The following MYBPC1 variants were observed in gnomAD, a reference collection of about 807,000 sequenced individuals.
MYBPC1 encodes myosin-binding protein C, slow-type.
MYBPC1 carries 52 observed loss-of-function variants against 147.1 expected under a neutral mutation model. The observed-to-expected ratio is 0.35, with a 90% CI of 0.28 to 0.45. The LOEUF (loss-of-function observed/expected upper bound fraction) is 0.45. Among genes scored for constraint, MYBPC1 ranks in the 20% least tolerant of loss-of-function variants. The pLI is 1.00. For synonymous variants in MYBPC1, 477 were observed against 475.9 expected (o/e 1.00, Z -0.03); for missense variants, 1,228 against 1,440.3 (o/e 0.85, Z 2.39).
At chr12:101,649,151 G>A in intron 14 of MYBPC1, 109 bp from the exon 15 acceptor site, 1 of 937,594 alleles carries the variant, frequency 1.1e-6, no homozygotes, top group Non-Finnish European at 1.7e-6. Flanking sequence ...GTTCTTGTGT[G>A]TCTCATATCC....
chr12:101,606,602 C>A (rs1882299342), intron 1 of MYBPC1, among the ~76,000 whole-genome samples: 1 of 151,928 alleles, frequency 6.6e-6, no homozygotes. Context: ...CCATGCCCAG[C>A]CTACTTCTTT....
rs1890626569 is a variant in MYBPC1 at position 101,634,623 on chromosome 12, A to T, written c.608+18A>T. 6.3e-7 allele frequency: 1 copy of T among 1,595,744 alleles called. No homozygotes were observed. The highest frequency in any genetic ancestry group is 1.3e-5 in the African/African-American group (1 of 74,626). On this transcript the variant is annotated intron_variant, in intron 9 of 31. Transcript: ENST00000361466. Reference sequence around the variant, plus strand: ...AAGAGAAGGTAACTCCAAAAGAAAAATCTAGATAGCTTTTGTATAACACAG... The same window carrying T: ...AAGAGAAGGTAACTCCAAAAGAAAATTCTAGATAGCTTTTGTATAACACAG...
intron 20 of MYBPC1, 48 bp from the exon 21 acceptor site, chr12:101,662,310 T>G (rs1020133109): frequency 6.3e-7 from 1 of 1,597,446 alleles, no homozygotes; most frequent in Non-Finnish European, 8.6e-7. Flanking sequence ...CAATGTTTAA[T>G]TTCAGAGACC....
Position 101,626,328 on chromosome 12 carries a change from C to G in MYBPC1, c.104-544C>G, listed in dbSNP as rs566280279. On this transcript the variant is annotated intron_variant, in intron 3 of 31. Transcript: ENST00000361466. ...AGAAATGATACAGCATTTTCCAACA[C>G]CAATATAATGTTGGAAAAAATGCTT... Among the ~76,000 whole-genome samples, 3 of 152,092 alleles carry G rather than the reference C, an allele frequency of 2.0e-5. No individual in the cohort carries two copies. In the South Asian group the frequency reaches 6.2e-4, roughly 32 times the overall value.
At chr12:101,683,300 C>T (rs1251297455) in intron 30 of MYBPC1, among the ~76,000 whole-genome samples, 1 of 152,054 alleles carries the variant, frequency 6.6e-6, no homozygotes, top group African/African-American at 2.4e-5. Context: ...TGTGGTGGCA[C>T]ATGCCTATAG....
At position 101,646,862 on chromosome 12, in the gene MYBPC1, A is replaced by G. The variant is rs891217152; in HGVS notation, c.1065A>G (p.Lys355=). The G allele has an allele frequency of 2.5e-6, 4 of 1,614,170 alleles. No homozygotes were observed. The highest frequency in any genetic ancestry group is 3.4e-6 in the Non-Finnish European group (4 of 1,180,000). ...ATTATGTGACAGCCGGTGATGAGAA[A>G]TGTTCCACTGAGCTCTTCGTAAGAG... The part of the protein sequence containing the change: ...SEYYVTAGDE[K]CSTELFVREP... The change falls in exon 13 of 32, where the codon AAA becomes AAG. Residue 355 remains lysine (K), a synonymous_variant. Coordinates refer to ENST00000361466, the MANE Select transcript of MYBPC1 (RefSeq NM_002465.4).
chr12:101,678,768 G>A (rs138966337), intron 28 of MYBPC1, among the ~76,000 whole-genome samples: 108 of 152,234 alleles, frequency 7.1e-4, no homozygotes, highest in African/African-American at 2.4e-3. Flanking sequence ...AATGAATATC[G>A]CCCATAGAGA....
At chr12:101,664,664 C>T (rs1317583663) in intron 22 of MYBPC1, 1 of 152,200 alleles carries the variant, frequency 6.6e-6, no homozygotes, top group African/African-American at 2.4e-5. Context: ...CACCTCTGTT[C>T]TGGAGGGAGG....
chr12:101,626,507 C>T (rs1457864667), intron 3 of MYBPC1, among the ~76,000 whole-genome samples: 1 of 152,098 alleles, frequency 6.6e-6, no homozygotes, highest in South Asian at 2.1e-4. Flanking sequence ...ATAAGGTCTG[C>T]CATTCACTTT....
In MYBPC1 at chr12:101,680,383, A is replaced by G. The variant is rs935019560; in HGVS notation, c.3287A>G (p.Asp1096Gly). ...ATGAAAAACAAAGTTGCTATTGTGG[A>G]TGATCCAAGATACAGGATGTTCAGC... is the stretch of plus-strand genomic sequence containing the variant. The part of the protein sequence containing the change: ...TWMKNKVAIV[D>G]DPRYRMFSNQ... The change falls in exon 29 of 32, where the codon GAT becomes GGT. Residue 1096 changes from aspartate to glycine, a missense_variant. By Grantham distance (94) the Asp-to-Gly change is moderately conservative (BLOSUM62 -1). Transcript: ENST00000361466. 1.1e-5 allele frequency: 18 copies of G among 1,614,126 alleles called. No individual in the cohort carries two copies. Among genetic ancestry groups the G allele is most frequent in the Non-Finnish European group, 1.5e-5 (18 of 1,179,988 alleles).
In MYBPC1 at chr12:101,632,077, C is replaced by T. The variant is rs1285919977; in HGVS notation, c.495C>T (p.Tyr165=). 2 of 1,614,116 alleles carry T rather than the reference C, an allele frequency of 1.2e-6. No individual in the cohort carries two copies. Among genetic ancestry groups the T allele is most frequent in the Admixed American group, 1.7e-5 (1 of 60,028 alleles). The change falls in exon 8 of 32, where the codon TAC becomes TAT. Residue 165 remains tyrosine, a synonymous_variant. Transcript: ENST00000361466. The part of the protein sequence containing the change: ...IKAKDNFAGN[Y]RCEVTYKDKF... ...CCAAAGATAACTTTGCAGGAAATTA[C>T]AGATGCGAGGTCACCTATAAGGATA...
At chr12:101,637,041 C>A in intron 10 of MYBPC1, 1 of 78,782 alleles carries the variant, frequency 1.3e-5, no homozygotes, top group African/African-American at 2.1e-4. Flanking sequence ...TCTAAGACTG[C>A]ACATATGATT....
intron 10 of MYBPC1, among the ~76,000 whole-genome samples, chr12:101,637,911 AG>A (rs1315594970): frequency 6.6e-6 from 1 of 152,194 alleles, no homozygotes; most frequent in Non-Finnish European, 1.5e-5. Flanking sequence ...TAGTCTCAAT[AG>A]TATTGATTAA....
At position 101,677,219 on chromosome 12, in the gene MYBPC1, T is replaced by A. The variant is rs752330940; in HGVS notation, c.2950-16T>A. ...TTAGGTGATTTTCCTCCAGTTATTA[T>A]TTTTTTTTCTTTTAGGAATGGTTTA... On this transcript the variant is annotated splice_polypyrimidine_tract_variant and intron_variant, in intron 26 of 31. Transcript: ENST00000361466. The A allele has an allele frequency of 1.9e-6, 3 of 1,591,394 alleles. No homozygotes were observed. Among genetic ancestry groups the A allele is most frequent in the South Asian group, 2.2e-5 (2 of 90,214 alleles).
Position 101,624,209 on chromosome 12 carries a change from G to T in MYBPC1, c.104-2663G>T, listed in dbSNP as rs75074093. On this transcript the variant is annotated intron_variant, in intron 3 of 31. Transcript: ENST00000361466. Reference sequence around the variant, plus strand: ...ACATGACCCAGTAAATCACCTCTTGGATTCTGAAGTAATGATATTAATATA... The same window carrying T: ...ACATGACCCAGTAAATCACCTCTTGTATTCTGAAGTAATGATATTAATATA... Among the ~76,000 whole-genome samples the T allele has an allele frequency of 4.6e-3, 696 of 151,744 alleles. 4 individuals are homozygous for T. Among genetic ancestry groups the T allele is most frequent in the African/African-American group, 0.016 (655 of 41,360 alleles).
intron 3 of MYBPC1, among the ~76,000 whole-genome samples, chr12:101,625,802 TC>T (rs1176921308): frequency 6.6e-6 from 1 of 152,040 alleles, no homozygotes; most frequent in African/African-American, 2.4e-5. Context: ...AATTTATCCT[TC>T]TGCCAGGCGC....
intron 19 of MYBPC1, among the ~76,000 whole-genome samples, chr12:101,660,849 A>G (rs1159467142): frequency 6.6e-6 from 1 of 152,148 alleles, no homozygotes; most frequent in African/African-American, 2.4e-5. Context: ...TTCCCCTTAC[A>G]AAACCATCAG....
At chr12:101,679,197 G>A (rs143952697) in intron 28 of MYBPC1, among the ~76,000 whole-genome samples, 71 of 151,972 alleles carry the variant, frequency 4.7e-4, no homozygotes, top group African/African-American at 1.7e-3. Flanking sequence ...GACTAAGGAT[G>A]AGAGAAAGGT....
intron 1 of MYBPC1, among the ~76,000 whole-genome samples, chr12:101,602,154 C>T (rs958885016): frequency 6.6e-6 from 1 of 152,138 alleles, no homozygotes; most frequent in Non-Finnish European, 1.5e-5. Flanking sequence ...AAAACAGTAT[C>T]AACTCTTTGG....
Sources: allele counts gnomAD v4.1 joint callset (sites outside exome capture counted in the v4.1 genomes callset), GRCh38; gene constraint gnomAD v4.1.1; transcripts MANE v1.5; gene names NCBI Gene and HGNC (gene_info 2026-07-23, HGNC 2026-07-21).